The following MBNL2 variants were observed in gnomAD, a reference collection of about 807,000 sequenced individuals.
MBNL2 encodes the protein muscleblind-like protein 2.
In MBNL2, 17 loss-of-function variants were observed where a neutral mutation model predicts 41.9. The observed-to-expected ratio is 0.41, with a 90% CI of 0.28 to 0.61. The LOEUF (loss-of-function observed/expected upper bound fraction) is 0.61. MBNL2 is among the 20% of genes least tolerant of loss of function. MBNL2 has a pLI of 0.35. For synonymous variants in MBNL2, 195 were observed against 182.9 expected (o/e 1.07, Z -0.53); for missense variants, 336 against 505.6 (o/e 0.66, Z 3.22).
At chr13:97,360,565 G>T (rs1172858975) in intron 7 of MBNL2, among the ~76,000 whole-genome samples, 1 of 152,182 alleles carries the variant, frequency 6.6e-6, no homozygotes, top group African/African-American at 2.4e-5. Flanking sequence ...CTAAGTTACT[G>T]TAAGTGTTCT....
the MBNL2 span, among the ~76,000 whole-genome samples, chr13:97,211,078 T>C: frequency 9.2e-5 from 14 of 152,316 alleles, no homozygotes; most frequent in South Asian, 2.1e-4. Flanking sequence ...AGAATCCTCA[T>C]TGAAATTTTG....
chr13:97,187,906 CAAAAAA>C, the MBNL2 span, among the ~76,000 whole-genome samples: 1 of 121,834 alleles, frequency 8.2e-6, no homozygotes, highest in East Asian at 2.4e-4. Flanking sequence ...GACTTCGTCT[CAAAAAA>C]AAAAAAAAAG....
At chr13:97,182,102 G>A in the MBNL2 span, among the ~76,000 whole-genome samples, 1 of 152,236 alleles carries the variant, frequency 6.6e-6, no homozygotes, top group East Asian at 1.9e-4. Context: ...TTAGGATGAT[G>A]TATTTTACTT....
At chr13:97,196,029 A>G in the MBNL2 span, among the ~76,000 whole-genome samples, 1 of 152,216 alleles carries the variant, frequency 6.6e-6, no homozygotes, top group South Asian at 2.1e-4. Context: ...AATAATTTCA[A>G]CCTTAATCTT....
chr13:97,277,411 T>C (rs2052387950), intron 2 of MBNL2, among the ~76,000 whole-genome samples: 1 of 152,110 alleles, frequency 6.6e-6, no homozygotes, highest in Non-Finnish European at 1.5e-5. Context: ...GTTAAGAAAA[T>C]TGTTTATCAA....
the MBNL2 span, among the ~76,000 whole-genome samples, chr13:97,196,581 G>C: frequency 2.6e-5 from 4 of 152,146 alleles, no homozygotes; most frequent in African/African-American, 9.7e-5. Context: ...AGCCATGGAG[G>C]AGGGAGCCCA....
At chr13:97,161,829 T>C in the MBNL2 span, among the ~76,000 whole-genome samples, 2 of 152,128 alleles carry the variant, frequency 1.3e-5, no homozygotes, top group African/African-American at 4.8e-5. Flanking sequence ...TTGCATGGTG[T>C]TTGGGATTTA....
rs1299572140 is a variant in MBNL2 at position 97,392,605 on chromosome 13, CAT to C, written c.*1159_*1160del. 29 of 152,016 alleles carry C rather than the reference CAT, an allele frequency of 1.9e-4. No individual in the cohort carries two copies. The highest frequency in any genetic ancestry group is 6.8e-4 in the African/African-American group (28 of 41,298). 9.4% of individuals were successfully genotyped at this position (152,016 alleles called of 1,614,324 possible). ...ATATATATACTATATATGGATGAAA[CAT>C]ATTTTAATGTTGTTTACTTTTTTAA... On this transcript the variant is annotated 3_prime_UTR_variant, in exon 9 of 9. Coordinates refer to ENST00000679496, the MANE Select transcript of MBNL2 (RefSeq NM_001382683.1).
At chr13:97,233,353 T>C (rs1245666499) in intron 1 of MBNL2, among the ~76,000 whole-genome samples, 3 of 100,202 alleles carry the variant, frequency 3.0e-5, no homozygotes, top group African/African-American at 1.2e-4. Context: ...CGCTGTGTGA[T>C]GTTCCCCTTC....
intron 1 of MBNL2, among the ~76,000 whole-genome samples, chr13:97,230,465 C>T (rs543184499): frequency 6.6e-6 from 1 of 152,286 alleles, no homozygotes; most frequent in South Asian, 2.1e-4. Context: ...TGAAGAACAG[C>T]CTGGACAACA....
intron 2 of MBNL2, among the ~76,000 whole-genome samples, chr13:97,311,303 A>G (rs1566408951): frequency 6.6e-6 from 1 of 152,208 alleles, no homozygotes; most frequent in Non-Finnish European, 1.5e-5. Context: ...GATCGGCTCC[A>G]TAAGAACAAT....
intron 2 of MBNL2, among the ~76,000 whole-genome samples, chr13:97,315,300 G>C (rs373558910): frequency 3.9e-5 from 6 of 152,228 alleles, no homozygotes; most frequent in African/African-American, 1.2e-4. Context: ...AGGTTTACAA[G>C]AGTCTTGGCT....
At chr13:97,276,569 C>G (rs577942955) in intron 2 of MBNL2, among the ~76,000 whole-genome samples, 160 bp downstream of exon 2, 1 of 152,202 alleles carries the variant, frequency 6.6e-6, no homozygotes, top group East Asian at 1.9e-4. Context: ...TTTTTCATAT[C>G]AGGCATATAT....
At chr13:97,374,850 A>G (rs2064813285) in intron 8 of MBNL2, among the ~76,000 whole-genome samples, 1 of 152,160 alleles carries the variant, frequency 6.6e-6, no homozygotes, top group Non-Finnish European at 1.5e-5. Flanking sequence ...TTCATCCTAT[A>G]TGGGTGTTTA....
the MBNL2 span, among the ~76,000 whole-genome samples, chr13:97,163,259 A>T: frequency 6.6e-6 from 1 of 152,136 alleles, no homozygotes; most frequent in Non-Finnish European, 1.5e-5. Flanking sequence ...GGAAAAAAGG[A>T]CAAATCGAGG....
chr13:97,163,995 CT>C, the MBNL2 span, among the ~76,000 whole-genome samples: 1 of 152,052 alleles, frequency 6.6e-6, no homozygotes, highest in Non-Finnish European at 1.5e-5. Flanking sequence ...TTTTATTTTT[CT>C]TTTTACTTTT....
At chr13:97,269,978 A>C (rs1016827993) in intron 1 of MBNL2, among the ~76,000 whole-genome samples, 23 of 152,242 alleles carry the variant, frequency 1.5e-4, no homozygotes, top group African/African-American at 5.5e-4. Context: ...TTTCCACTAT[A>C]ATCTGTCTTT....
the MBNL2 span, among the ~76,000 whole-genome samples, chr13:97,155,135 T>G: frequency 6.6e-6 from 1 of 152,176 alleles, no homozygotes; most frequent in Non-Finnish European, 1.5e-5. Context: ...AGTTTAGATT[T>G]CAGGGAACCA....
At chr13:97,220,008 G>T (rs533746077), upstream of MBNL2, among the ~76,000 whole-genome samples, 11 of 152,172 alleles carry the variant, frequency 7.2e-5, no homozygotes, top group Non-Finnish European at 1.5e-4. Flanking sequence ...GATTTCAAAT[G>T]GTGGTTGAAG....
Sources: allele counts gnomAD v4.1 joint callset (sites outside exome capture counted in the v4.1 genomes callset), GRCh38; gene constraint gnomAD v4.1.1; transcripts MANE v1.5; gene names NCBI Gene and HGNC (gene_info 2026-07-23, HGNC 2026-07-21).